Variants in ATXN2 observed in about 807,000 individuals in gnomAD.
The protein encoded by ATXN2 is ataxin-2.
A neutral mutation model predicts 138.6 loss-of-function variants in ATXN2; 37 were observed. That is an observed-to-expected ratio of 0.27 (90% CI 0.21 to 0.35). The LOEUF is 0.35. Among genes scored for constraint, ATXN2 ranks in the 10% least tolerant of loss-of-function variants. The pLI is 1.00. For missense variants in ATXN2, 1,216 were observed against 1,480.3 expected (o/e 0.82, Z 2.93); for synonymous variants, 549 against 543.7 (o/e 1.01, Z -0.13).
intron 1 of ATXN2, among the ~76,000 whole-genome samples, chr12:111,562,096 C>T (rs950256114): frequency 6.6e-6 from 1 of 151,564 alleles, no homozygotes; most frequent in Admixed American, 6.6e-5. Context: ...CAGGTGTGAG[C>T]CACTGCGCCC....
intron 14 of ATXN2, among the ~76,000 whole-genome samples, chr12:111,489,661 A>G (rs1877890506): frequency 6.6e-6 from 1 of 151,428 alleles, no homozygotes; most frequent in African/African-American, 2.4e-5. Context: ...GTAGCTCATC[A>G]CTGTAATTCC....
At chr12:111,488,803 C>T (rs770461103) in intron 14 of ATXN2, 23 bp from the exon 15 acceptor site, 3 of 1,514,694 alleles carry the variant, frequency 2.0e-6, no homozygotes, top group Non-Finnish European at 2.7e-6. Flanking sequence ...AACAATTATA[C>T]TTAAATATCT....
intron 20 of ATXN2, among the ~76,000 whole-genome samples, chr12:111,465,824 A>G (rs1593100941): frequency 6.6e-6 from 1 of 150,626 alleles, no homozygotes; most frequent in African/African-American, 2.4e-5. Flanking sequence ...AAATTAAAGT[A>G]ACTTCTTAGA....
chr12:111,586,335 C>A (rs1884330577), intron 1 of ATXN2, among the ~76,000 whole-genome samples: 1 of 151,626 alleles, frequency 6.6e-6, no homozygotes, highest in Non-Finnish European at 1.5e-5. Context: ...GATTCTCCTG[C>A]CTCAGCCTCC....
chr12:111,495,095 T>C (rs1036544596), intron 14 of ATXN2, among the ~76,000 whole-genome samples: 1 of 151,910 alleles, frequency 6.6e-6, no homozygotes. Flanking sequence ...CACCTGAGGT[T>C]AGGAGTTCAA....
rs11345860 is a variant in ATXN2 at position 111,479,855 on chromosome 12, TAA to T, written c.2524+5408_2524+5409del. Among the ~76,000 whole-genome samples the T allele has an allele frequency of 1.1e-3, 149 of 140,540 alleles. 1 individual carries two copies. Among genetic ancestry groups the T allele is most frequent in the Middle Eastern group, 7.4e-3 (2 of 272 alleles). The allele number at this position is 140,540 out of a possible 152,430, so 92.2% of individuals were successfully genotyped here. A position where few individuals can be genotyped will look rare whatever the true frequency, so the allele number is the denominator to read the frequency against. ...TTACACGCTGTTTGATTCCATTTATTAAAAAAAAAAAAAAAATCTAGGGGCTG... is the reference window on the plus strand; with the variant it reads ...TTACACGCTGTTTGATTCCATTTATTAAAAAAAAAAAAAATCTAGGGGCTG... On this transcript the variant is annotated intron_variant, in intron 18 of 24. Coordinates refer to ENST00000673436, the MANE Select transcript of ATXN2 (RefSeq NM_001372574.1).
chr12:111,566,963 A>G (rs1001987599), intron 1 of ATXN2, among the ~76,000 whole-genome samples: 1 of 152,138 alleles, frequency 6.6e-6, no homozygotes, highest in Non-Finnish European at 1.5e-5. Flanking sequence ...ATACTCATGA[A>G]TGATTTTGAG....
chr12:111,520,169 A>G, intron 7 of ATXN2, 93 bp from the exon 8 acceptor site: 1 of 1,442,472 alleles, frequency 6.9e-7, no homozygotes, highest in Non-Finnish European at 9.4e-7. Context: ...TTTAGAGTTT[A>G]GAATACTGGT....
Position 111,486,806 on chromosome 12 carries a change from T to C in ATXN2, c.2259A>G (p.Thr753=). The C allele has an allele frequency of 6.2e-7, 1 of 1,613,022 alleles. No homozygotes were observed. The highest frequency in any genetic ancestry group is 8.5e-7 in the Non-Finnish European group (1 of 1,179,184). ...KDAAEQVRKS[T]LNPNAKEFNP... is the part of the protein sequence containing the mutation. ...TGAACTCCTTTGCATTGGGATTCAA[T>C]GTTGATTTCCTAACTTGCCTAAAAA... The change falls in exon 16 of 25, where the codon ACA becomes ACG. Residue 753 remains threonine, a synonymous_variant. Coordinates refer to ENST00000673436, the MANE Select transcript of ATXN2 (RefSeq NM_001372574.1).
intron 3 of ATXN2, among the ~76,000 whole-genome samples, chr12:111,553,604 A>ATT (rs745560171): frequency 1.2e-5 from 1 of 85,002 alleles, no homozygotes; most frequent in Non-Finnish European, 1.9e-5. Context: ...AAAAAAAAAA[A>ATT]TTTTTTTTTT....
intron 1 of ATXN2, among the ~76,000 whole-genome samples, chr12:111,594,884 AG>A (rs1884855365): frequency 6.6e-6 from 1 of 152,218 alleles, no homozygotes; most frequent in Admixed American, 6.6e-5. Flanking sequence ...CAGTACTATC[AG>A]CACGACAGAT....
intron 18 of ATXN2, chr12:111,479,017 TAAATAAATAAAAAATA>T (rs1877024127): frequency 3.2e-6 from 1 of 313,374 alleles, no homozygotes; most frequent in Non-Finnish European, 5.7e-6. Flanking sequence ...TCAAAAAAAA[TAAATAAATAAAAAATA>T]AAATAAATTT....
At chr12:111,540,577 A>G (rs1162319974) in intron 5 of ATXN2, among the ~76,000 whole-genome samples, 4 of 150,620 alleles carry the variant, frequency 2.7e-5, no homozygotes, top group African/African-American at 7.3e-5. Flanking sequence ...TTAAATCATT[A>G]CAAGTGAGGA....
chr12:111,488,164 G>A (rs1251599023), intron 15 of ATXN2, among the ~76,000 whole-genome samples: 1 of 152,184 alleles, frequency 6.6e-6, no homozygotes, highest in Non-Finnish European at 1.5e-5. Flanking sequence ...GTGGAATCCA[G>A]TAAAGATAGG....
intron 14 of ATXN2, among the ~76,000 whole-genome samples, chr12:111,491,236 A>G (rs1018989699): frequency 2.6e-5 from 4 of 152,128 alleles, no homozygotes; most frequent in African/African-American, 9.7e-5. Context: ...CTGGGCAATA[A>G]GAGCGAAACT....
rs1212799617 is a variant in ATXN2 at position 111,554,221 on chromosome 12, G to T, written c.289-4C>A. ...CATAGATTCCATCAAAAGAAATCTG[G>T]AATATTAAAAAAAAAAAAAACTATT... On this transcript the variant is annotated splice_region_variant and splice_polypyrimidine_tract_variant and intron_variant, in intron 2 of 24. Coordinates refer to ENST00000673436, the MANE Select transcript of ATXN2 (RefSeq NM_001372574.1). The T allele has an allele frequency of 2.2e-6, 3 of 1,368,274 alleles. No homozygotes were observed. Among genetic ancestry groups the T allele is most frequent in the Non-Finnish European group, 2.9e-6 (3 of 1,033,170 alleles). 84.8% of individuals were successfully genotyped at this position (1,368,274 alleles called of 1,614,324 possible).
intron 22 of ATXN2, 48 bp downstream of exon 22, chr12:111,457,166 T>C (rs1456461340): frequency 4.4e-6 from 7 of 1,575,412 alleles, no homozygotes; most frequent in Non-Finnish European, 6.0e-6. Flanking sequence ...AGCACTCAGA[T>C]ACTAGGATAA....
rs1023608274 is a variant in ATXN2 at position 111,547,210 on chromosome 12, T to C, written c.571+5070A>G. 2.0e-5 allele frequency among the ~76,000 whole-genome samples: 3 copies of C among 150,370 alleles called. No homozygotes were observed. In the East Asian group the frequency reaches 5.9e-4, roughly 30 times the overall value. ...TTGGGAGGCCAAGGTGGGTGGATCA[T>C]GAGGTCAGGAATTTGAGAAGAGCCT... On this transcript the variant is annotated intron_variant, in intron 5 of 24. Transcript: ENST00000673436.
rs752324663 is a variant in ATXN2 at position 111,513,538 on chromosome 12, C to A, written c.1377G>T (p.Gly459=). ...STMPKRMSSE[G]PPRMSPKAQR... is the part of the protein sequence containing the mutation. ...GGGCCTTTGGGGACATCCTTGGAGGCCCTAAGGAAGAAACAGTGAACATCA... is the reference window on the plus strand; with the variant it reads ...GGGCCTTTGGGGACATCCTTGGAGGACCTAAGGAAGAAACAGTGAACATCA... Residue 459 remains glycine, a splice_region_variant and synonymous_variant, in exon 11 of 25, where the codon GGG becomes GGT. Transcript: ENST00000673436. 6.8e-6 allele frequency: 11 copies of A among 1,608,778 alleles called. No individual in the cohort carries two copies. The Admixed American group carries it at 1.5e-4, about 23-fold the overall frequency.
Sources: allele counts gnomAD v4.1 joint callset (sites outside exome capture counted in the v4.1 genomes callset), GRCh38; gene constraint gnomAD v4.1.1; transcripts MANE v1.5; gene names NCBI Gene and HGNC (gene_info 2026-07-23, HGNC 2026-07-21).